The following POR variants were observed in gnomAD, a reference collection of about 807,000 sequenced individuals.
The protein encoded by POR is NADPH--cytochrome P450 reductase.
Under a neutral mutation model 84.0 loss-of-function variants are expected in POR, and 56 were observed. The ratio of observed to expected loss-of-function variants is 0.67; its 90% CI spans 0.54 to 0.83. The LOEUF (loss-of-function observed/expected upper bound fraction) is 0.83. POR is among the 40% of genes least tolerant of loss of function. The pLI is 0.00. For missense variants in POR, 938 were observed against 944.3 expected, an observed-to-expected ratio of 0.99 and a Z score of 0.09; for synonymous variants, 414 against 400.5, an observed-to-expected ratio of 1.03 and a Z score of -0.40.
chr7:75,921,025 A>G (rs1806829975), intron 1 of POR: 1 of 152,138 alleles, frequency 6.6e-6, no homozygotes, highest in African/African-American at 2.4e-5. Context: ...CTTAACATGG[A>G]CACGTTGGAC....
chr7:75,923,118 T>C (rs782363373), intron 1 of POR: 7 of 857,006 alleles, frequency 8.2e-6, no homozygotes, highest in Admixed American at 1.7e-5. Context: ...TGTAACCTTA[T>C]GTGACCTGGG....
chr7:75,936,888 G>A (rs1263679400), intron 1 of POR, among the ~76,000 whole-genome samples: 1 of 146,868 alleles, frequency 6.8e-6, no homozygotes, highest in African/African-American at 2.5e-5. Flanking sequence ...GTGCAGTGGC[G>A]CGATCTTGGC....
intron 1 of POR, among the ~76,000 whole-genome samples, chr7:75,941,044 C>T (rs1411961801): frequency 6.6e-6 from 1 of 152,100 alleles, no homozygotes; most frequent in Non-Finnish European, 1.5e-5. Context: ...TGGTGCATAC[C>T]TATAGTCTCA....
At chr7:75,956,327 A>C (rs1003712486) in intron 2 of POR, among the ~76,000 whole-genome samples, 2 of 152,150 alleles carry the variant, frequency 1.3e-5, no homozygotes, top group Non-Finnish European at 2.9e-5. Flanking sequence ...ACTGGGTTCA[A>C]TCTTATCTCC....
chr7:75,962,707 C>G (rs1554554670), intron 2 of POR, among the ~76,000 whole-genome samples: 1 of 152,198 alleles, frequency 6.6e-6, no homozygotes, highest in Non-Finnish European at 1.5e-5. Context: ...TTTCATCACT[C>G]CGAAACAGTC....
rs963823358 is a variant in POR at position 75,979,741 on chromosome 7, G to A, written c.366+162G>A. ...GTGAGGGTCATTGCCATCCCTGCCC[G>A]GGCTGACTGACGGAAGGGCCATTCC... On this transcript the variant is annotated intron_variant, in intron 4 of 15. Transcript: ENST00000461988. 53 of 980,400 alleles carry A rather than the reference G, an allele frequency of 5.4e-5. No individual in the cohort carries two copies. In the Admixed American group the frequency reaches 1.1e-3, roughly 20 times the overall value. The allele number at this position is 980,400 out of a possible 1,614,324, so 60.7% of individuals were successfully genotyped here. A position where few individuals can be genotyped will look rare whatever the true frequency, so the allele number is the denominator to read the frequency against.
At chr7:75,961,023 A>G (rs1554554439) in intron 2 of POR, among the ~76,000 whole-genome samples, 1 of 152,174 alleles carries the variant, frequency 6.6e-6, no homozygotes, top group Admixed American at 6.5e-5. Context: ...ACATGAGGCC[A>G]GGAGTTCAAG....
chr7:75,951,080 A>C (rs113029906), intron 1 of POR, among the ~76,000 whole-genome samples: 3,965 of 59,286 alleles, frequency 0.067, 356 homozygotes, highest in African/African-American at 0.24. Context: ...CCCCCCCGAA[A>C]AAAAAAAAGT....
intron 2 of POR, among the ~76,000 whole-genome samples, chr7:75,956,811 C>T (rs998450628): frequency 6.6e-5 from 10 of 152,024 alleles, no homozygotes; most frequent in Admixed American, 4.6e-4. Context: ...CTGCAACCTC[C>T]GCCTCCCGGG....
intron 2 of POR, among the ~76,000 whole-genome samples, chr7:75,957,958 C>T (rs181168436): frequency 6.6e-6 from 1 of 152,280 alleles, no homozygotes. Flanking sequence ...CTGACATCAG[C>T]CAGGTGACTT....
At chr7:75,936,000 C>T (rs1251121130) in intron 1 of POR, among the ~76,000 whole-genome samples, 1 of 151,198 alleles carries the variant, frequency 6.6e-6, no homozygotes, top group African/African-American at 2.4e-5. Context: ...TGGCAGTTTT[C>T]TGACCACCTA....
chr7:75,928,471 A>C (rs925887226), intron 1 of POR, among the ~76,000 whole-genome samples: 4 of 152,232 alleles, frequency 2.6e-5, no homozygotes, highest in Non-Finnish European at 5.9e-5. Flanking sequence ...TGTGAGAGGA[A>C]GTCACGTATG....
chr7:75,967,214 C>T (rs1469374480), intron 2 of POR, among the ~76,000 whole-genome samples: 5 of 152,198 alleles, frequency 3.3e-5, no homozygotes, highest in East Asian at 1.9e-4. Context: ...TGAGCTATGG[C>T]GTCCACCCAC....
In POR at chr7:75,935,037, G is replaced by A. The variant is rs573830183; in HGVS notation, c.-4-18952G>A. Among the ~76,000 whole-genome samples, 12 of 152,222 alleles carry A rather than the reference G, an allele frequency of 7.9e-5. No homozygotes were observed. In the South Asian group the frequency reaches 1.0e-3, roughly 13 times the overall value. ...AGGGGGCCACTGTCCTCCAGACCCC[G>A]GAATGGTAGATCCACCAGCATCTTA... On this transcript the variant is annotated intron_variant, in intron 1 of 15. Transcript: ENST00000461988.
At chr7:75,964,923 C>T (rs1788110397) in intron 2 of POR, among the ~76,000 whole-genome samples, 2 of 152,124 alleles carry the variant, frequency 1.3e-5, no homozygotes, top group Non-Finnish European at 2.9e-5. Flanking sequence ...GTCATCGCAG[C>T]ACTTTGGGAG....
At chr7:75,981,341 C>T (rs1461721333) in intron 6 of POR, among the ~76,000 whole-genome samples, 169 bp downstream of exon 6, 9 of 152,044 alleles carry the variant, frequency 5.9e-5, no homozygotes, top group Admixed American at 2.0e-4. Flanking sequence ...TTTTGCTTTT[C>T]GGCTTGCCCA....
intron 2 of POR, among the ~76,000 whole-genome samples, chr7:75,961,336 G>A (rs568667890): frequency 1.6e-3 from 238 of 150,322 alleles, no homozygotes; most frequent in African/African-American, 5.5e-3. Context: ...CCCACCAGCT[G>A]TGGAGCAGCT....
chr7:75,932,846 C>T (rs553475339), intron 1 of POR, among the ~76,000 whole-genome samples: 62 of 151,914 alleles, frequency 4.1e-4, no homozygotes, highest in African/African-American at 1.5e-3. Flanking sequence ...AGTGAAACCC[C>T]ATCTCTACTA....
chr7:75,964,318 T>C (rs1788074964), intron 2 of POR, among the ~76,000 whole-genome samples: 1 of 151,968 alleles, frequency 6.6e-6, no homozygotes, highest in Admixed American at 6.6e-5. Context: ...TTTCTTTTTT[T>C]CTTTTTGAGA....
Sources: gnomAD v4.1 joint callset for allele counts (sites outside exome capture counted in the v4.1 genomes callset) on GRCh38, gnomAD v4.1.1 for gene constraint, MANE v1.5 for transcripts, NCBI Gene and HGNC (gene_info 2026-07-23, HGNC 2026-07-21) for gene names.